The following GALNT17 variants were observed in gnomAD, a reference collection of about 807,000 sequenced individuals.
GALNT17 encodes the protein UDP-GalNAc:polypeptide N-acetylgalactosaminyltransferase-like 3.
GALNT17 carries 29 observed loss-of-function variants against 63.7 expected under a neutral mutation model. The observed-to-expected ratio is 0.46, with a 90% CI of 0.34 to 0.62. GALNT17 has a LOEUF of 0.62. GALNT17 is among the 20% of genes least tolerant of loss of function. The pLI is 0.01. For missense variants in GALNT17, 603 were observed against 799.6 expected, an observed-to-expected ratio of 0.75 and a Z score of 2.97; for synonymous variants, 305 against 318.3, an observed-to-expected ratio of 0.96 and a Z score of 0.45.
intron 2 of GALNT17, among the ~76,000 whole-genome samples, chr7:71,343,885 T>A (rs891665389): frequency 1.2e-4 from 19 of 152,178 alleles, no homozygotes; most frequent in African/African-American, 4.6e-4. Flanking sequence ...GTAGGCTTAT[T>A]TTCTCTGTGG....
intron 5 of GALNT17, among the ~76,000 whole-genome samples, chr7:71,516,829 A>T (rs1052088091): frequency 6.6e-6 from 1 of 152,134 alleles, no homozygotes; most frequent in Non-Finnish European, 1.5e-5. Context: ...CCTCCAAGAT[A>T]ACTACTTTTA....
At chr7:71,632,035 A>C (rs1030272227) in intron 6 of GALNT17, among the ~76,000 whole-genome samples, 1 of 152,034 alleles carries the variant, frequency 6.6e-6, no homozygotes, top group Non-Finnish European at 1.5e-5. Flanking sequence ...GGTGTGAGCC[A>C]CTGCATCCAG....
At chr7:71,546,003 T>C (rs1324236487) in intron 5 of GALNT17, among the ~76,000 whole-genome samples, 1 of 152,048 alleles carries the variant, frequency 6.6e-6, no homozygotes, top group Non-Finnish European at 1.5e-5. Flanking sequence ...CTGATGCCTG[T>C]AATCCCAGTA....
intron 9 of GALNT17, among the ~76,000 whole-genome samples, chr7:71,705,175 C>G (rs1791705639): frequency 6.6e-6 from 1 of 152,006 alleles, no homozygotes; most frequent in African/African-American, 2.4e-5. Flanking sequence ...AATAAGAAGA[C>G]AAATAACCCT....
At chr7:71,633,264 G>A (rs953509486) in intron 6 of GALNT17, among the ~76,000 whole-genome samples, 6 of 152,094 alleles carry the variant, frequency 3.9e-5, no homozygotes, top group African/African-American at 1.2e-4. Context: ...CCCGGCTGTG[G>A]GTTGGGAAGG....
At chr7:71,644,789 C>A (rs1418341786) in intron 6 of GALNT17, among the ~76,000 whole-genome samples, 1 of 151,946 alleles carries the variant, frequency 6.6e-6, no homozygotes, top group African/African-American at 2.4e-5. Flanking sequence ...TAAAATTCTA[C>A]ACATTACAAG....
intron 6 of GALNT17, among the ~76,000 whole-genome samples, chr7:71,577,576 G>T (rs1789559516): frequency 6.6e-6 from 1 of 152,100 alleles, no homozygotes; most frequent in Admixed American, 6.6e-5. Flanking sequence ...CCCTGCAGGG[G>T]TCTTCTTGTT....
At chr7:71,166,819 CT>C (rs538048173) in intron 1 of GALNT17, among the ~76,000 whole-genome samples, 7 of 151,294 alleles carry the variant, frequency 4.6e-5, no homozygotes, top group East Asian at 1.9e-4. Flanking sequence ...TAGATATATG[CT>C]TTTTTTTTCC....
intron 6 of GALNT17, among the ~76,000 whole-genome samples, chr7:71,603,601 A>G (rs1025347014): frequency 6.6e-5 from 10 of 152,106 alleles, no homozygotes; most frequent in African/African-American, 1.9e-4. Flanking sequence ...TGCTAAGTGC[A>G]TACACCAGGT....
chr7:71,459,473 T>C (rs1787414020), intron 5 of GALNT17, among the ~76,000 whole-genome samples: 1 of 152,238 alleles, frequency 6.6e-6, no homozygotes, highest in South Asian at 2.1e-4. Flanking sequence ...TAAGCTCTAA[T>C]TTTTTCTTGT....
chr7:71,259,646 GTT>G (rs1261238713), intron 1 of GALNT17, among the ~76,000 whole-genome samples: 2 of 136,462 alleles, frequency 1.5e-5, no homozygotes, highest in African/African-American at 5.6e-5. Flanking sequence ...TTGTTTTTTT[GTT>G]TTTTTTTTTT....
At chr7:71,448,888 T>C (rs1787206808) in intron 5 of GALNT17, among the ~76,000 whole-genome samples, 1 of 152,060 alleles carries the variant, frequency 6.6e-6, no homozygotes, top group African/African-American at 2.4e-5. Context: ...TTAGCTGTTA[T>C]TGGAAGTCAG....
At chr7:71,602,605 C>T (rs1789982255) in intron 6 of GALNT17, among the ~76,000 whole-genome samples, 1 of 152,084 alleles carries the variant, frequency 6.6e-6, no homozygotes, top group South Asian at 2.1e-4. Context: ...TCTCTCTCTC[C>T]CTCTGCAGCT....
At chr7:71,611,106 C>G (rs1335646028) in intron 6 of GALNT17, among the ~76,000 whole-genome samples, 2 of 151,998 alleles carry the variant, frequency 1.3e-5, no homozygotes, top group Non-Finnish European at 2.9e-5. Flanking sequence ...CCCCTGGGCT[C>G]CTTCAGATTA....
intron 8 of GALNT17, among the ~76,000 whole-genome samples, chr7:71,671,718 G>A (rs901608405): frequency 6.6e-6 from 1 of 152,164 alleles, no homozygotes; most frequent in Admixed American, 6.6e-5. Context: ...TGTGATGTGT[G>A]AAGTTCTTAG....
intron 1 of GALNT17, among the ~76,000 whole-genome samples, chr7:71,279,601 A>G (rs1790744610): frequency 6.6e-6 from 1 of 151,840 alleles, no homozygotes; most frequent in Non-Finnish European, 1.5e-5. Context: ...ACATTTCCAA[A>G]TAAGATCACA....
At chr7:71,513,999 C>T (rs113066587) in intron 5 of GALNT17, among the ~76,000 whole-genome samples, 17 of 152,170 alleles carry the variant, frequency 1.1e-4, no homozygotes, top group African/African-American at 3.4e-4. Flanking sequence ...TGAGACCAGC[C>T]TGGGCAATAC....
intron 5 of GALNT17, among the ~76,000 whole-genome samples, chr7:71,520,488 A>G (rs556183899): frequency 5.3e-5 from 8 of 151,924 alleles, no homozygotes; most frequent in African/African-American, 1.9e-4. Context: ...GCGCCACTGC[A>G]CTCCAGCCTG....
rs1562848199 is a variant in GALNT17, at chr7:71,133,029, G to C, written c.227G>C (p.Arg76Pro). ...RLSLLEDIVY[R>P]QLNGLSKSLG... ...TCGCTGCTGGAGGACATCGTGTACC[G>C]GCAGCTGAATGGTAAGGACGCACGC... The change falls in exon 1 of 11, where the codon CGG (arginine) becomes CCG (proline). Residue 76 changes from arginine (R) to proline (P), a missense_variant. By Grantham distance (103) the Arg-to-Pro change is moderately radical. Transcript: ENST00000333538. 1.9e-6 allele frequency: 3 copies of C among 1,581,052 alleles called. No homozygotes were observed. The highest frequency in any genetic ancestry group is 2.6e-6 in the Non-Finnish European group (3 of 1,164,606).
Sources: allele counts gnomAD v4.1 joint callset (sites outside exome capture counted in the v4.1 genomes callset), GRCh38; gene constraint gnomAD v4.1.1; transcripts MANE v1.5; gene names NCBI Gene and HGNC (gene_info 2026-07-23, HGNC 2026-07-21).